The following GRID2 variants were observed in gnomAD, a reference collection of about 807,000 sequenced individuals.
The protein encoded by GRID2 is glutamate receptor ionotropic, delta-2.
In GRID2, 33 loss-of-function variants were observed where a neutral mutation model predicts 114.8. That is an observed-to-expected ratio of 0.29 (90% CI 0.22 to 0.38). GRID2 has a LOEUF of 0.38. Ranked by LOEUF, GRID2 falls within the 10% of genes least tolerant of loss-of-function variation. The probability of loss-of-function intolerance (pLI) is 1.00; values close to 1 mark genes in which losing one functional copy is unlikely to be tolerated. For missense variants in GRID2, 1,184 were observed against 1,257.7 expected (o/e 0.94, Z 0.89); for synonymous variants, 505 against 449.9 (o/e 1.12, Z -1.55).
chr4:92,956,164 ATC>A (rs1385728673), intron 2 of GRID2, among the ~76,000 whole-genome samples: 1 of 152,192 alleles, frequency 6.6e-6, no homozygotes, highest in Admixed American at 6.6e-5. Context: ...TTAATATACC[ATC>A]TGTCATTAAC....
At chr4:93,146,349 G>A (rs542318855) in intron 4 of GRID2, among the ~76,000 whole-genome samples, 23 of 152,202 alleles carry the variant, frequency 1.5e-4, no homozygotes, top group African/African-American at 5.5e-4. Context: ...AGTTAAGAGG[G>A]CAATTCAATT....
At chr4:92,931,508 A>G (rs1002753035) in intron 2 of GRID2, among the ~76,000 whole-genome samples, 1 of 150,934 alleles carries the variant, frequency 6.6e-6, no homozygotes, top group Non-Finnish European at 1.5e-5. Context: ...TAAATATGAT[A>G]CATAAATATT....
At position 93,666,544 on chromosome 4, in the gene GRID2, A is replaced by C. The variant is rs116479156; in HGVS notation, c.2360+40109A>C. ...GGAACAGTGCCTTCCTGTGGAAGCC[A>C]TTCTATAAACACTGTTGAATTAATT... On this transcript the variant is annotated intron_variant, in intron 14 of 15. Coordinates refer to ENST00000282020, the MANE Select transcript of GRID2 (RefSeq NM_001510.4). Among the ~76,000 whole-genome samples, 509 of 152,192 alleles carry C rather than the reference A, an allele frequency of 3.3e-3. 4 individuals are homozygous for C. Among genetic ancestry groups the C allele is most frequent in the African/African-American group, 0.012 (485 of 41,578 alleles).
At chr4:92,592,823 AT>A (rs35568463) in intron 2 of GRID2, among the ~76,000 whole-genome samples, 1 of 151,516 alleles carries the variant, frequency 6.6e-6, no homozygotes, top group African/African-American at 2.4e-5. Context: ...TATTTATAGA[AT>A]TTTTTTTGTA....
At chr4:93,126,584 CTTTTTTTTTT>C (rs60017147) in intron 4 of GRID2, among the ~76,000 whole-genome samples, 36 of 52,746 alleles carry the variant, frequency 6.8e-4, no homozygotes, top group South Asian at 8.2e-4. Context: ...CTATTTAATT[CTTTTTTTTTT>C]TTTTTTTTTT....
At chr4:92,442,544 G>T (rs913666252) in intron 1 of GRID2, among the ~76,000 whole-genome samples, 2 of 151,994 alleles carry the variant, frequency 1.3e-5, no homozygotes, top group African/African-American at 4.8e-5. Context: ...GCAAGGAATT[G>T]CAACTTTTTT....
At chr4:93,794,569 G>A (rs145111630) in intron 1 of GRID2, among the ~76,000 whole-genome samples, 30 of 152,230 alleles carry the variant, frequency 2.0e-4, no homozygotes, top group African/African-American at 2.9e-4. Flanking sequence ...GATGGGGGTC[G>A]TGCAGCTTGC....
chr4:92,405,122 T>G (rs1393609002), intron 1 of GRID2, among the ~76,000 whole-genome samples: 1 of 152,190 alleles, frequency 6.6e-6, no homozygotes, highest in Non-Finnish European at 1.5e-5. Flanking sequence ...ATGTCAGAGA[T>G]GGAGAACTGC....
intron 2 of GRID2, among the ~76,000 whole-genome samples, chr4:92,921,554 T>G (rs1484770845): frequency 6.6e-6 from 1 of 152,206 alleles, no homozygotes; most frequent in Non-Finnish European, 1.5e-5. Context: ...TTTGTTAGTG[T>G]TCCTTCTAAC....
chr4:93,423,495 C>G (rs1247925522), intron 10 of GRID2, among the ~76,000 whole-genome samples: 1 of 150,728 alleles, frequency 6.6e-6, no homozygotes, highest in Non-Finnish European at 1.5e-5. Context: ...TACAGGCGCC[C>G]GCCCCCACGC....
At chr4:93,676,561 G>C (rs976714996) in intron 14 of GRID2, among the ~76,000 whole-genome samples, 1 of 151,934 alleles carries the variant, frequency 6.6e-6, no homozygotes, top group Non-Finnish European at 1.5e-5. Context: ...CCTTGTTATG[G>C]TTACAAATTA....
intron 1 of GRID2, among the ~76,000 whole-genome samples, chr4:92,490,770 G>T (rs1723110475): frequency 6.6e-6 from 1 of 152,064 alleles, no homozygotes. Flanking sequence ...CCCAAATAAA[G>T]CATCTGGGGA....
chr4:93,663,296 G>A (rs1040211737), intron 14 of GRID2, among the ~76,000 whole-genome samples: 9 of 152,110 alleles, frequency 5.9e-5, no homozygotes, highest in African/African-American at 1.9e-4. Context: ...TACAGTTATG[G>A]AGGTATTTTG....
rs543219028 is a variant in GRID2, at chr4:92,515,001, C to T, written c.89-75130C>T. ...CCTATATCAGGTCTCCATCCAGCAGCGGATTGGATTAGTGATTCTCCACAA... is the reference window on the plus strand; with the variant it reads ...CCTATATCAGGTCTCCATCCAGCAGTGGATTGGATTAGTGATTCTCCACAA... On this transcript the variant is annotated intron_variant, in intron 1 of 15. Transcript: ENST00000282020. Among the ~76,000 whole-genome samples the T allele has an allele frequency of 9.2e-5, 14 of 151,920 alleles. No homozygotes were observed. In the South Asian group the frequency reaches 1.0e-3, roughly 11 times the overall value.
intron 8 of GRID2, among the ~76,000 whole-genome samples, chr4:93,297,898 T>C (rs1347122439): frequency 2.0e-5 from 3 of 152,208 alleles, no homozygotes; most frequent in African/African-American, 4.8e-5. Flanking sequence ...ATAGGAAGTA[T>C]ATAACACAAT....
At chr4:92,958,709 T>C (rs1461229462) in intron 2 of GRID2, among the ~76,000 whole-genome samples, 1 of 152,100 alleles carries the variant, frequency 6.6e-6, no homozygotes, top group Non-Finnish European at 1.5e-5. Context: ...GTATTCACTC[T>C]GTTTCCACCC....
intron 2 of GRID2, among the ~76,000 whole-genome samples, chr4:92,925,256 A>G (rs990075878): frequency 4.6e-5 from 7 of 152,046 alleles, no homozygotes; most frequent in African/African-American, 1.7e-4. Flanking sequence ...GGGACTTTAA[A>G]AAAGTAAGTT....
chr4:92,720,662 A>G (rs993661721), intron 2 of GRID2, among the ~76,000 whole-genome samples: 2 of 152,112 alleles, frequency 1.3e-5, no homozygotes, highest in African/African-American at 4.8e-5. Context: ...TAGGATCAAT[A>G]TAAAAGGAAC....
chr4:92,828,729 A>G (rs1291959154), intron 2 of GRID2, among the ~76,000 whole-genome samples: 1 of 152,102 alleles, frequency 6.6e-6, no homozygotes, highest in Admixed American at 6.6e-5. Context: ...TCAACACTGA[A>G]AAACATTGTT....
Sources: gnomAD v4.1 joint callset for allele counts (sites outside exome capture counted in the v4.1 genomes callset) on GRCh38, gnomAD v4.1.1 for gene constraint, MANE v1.5 for transcripts, NCBI Gene and HGNC (gene_info 2026-07-23, HGNC 2026-07-21) for gene names.